Variants in INPP4B observed in about 807,000 individuals in gnomAD.
The protein encoded by INPP4B is inositol polyphosphate 4-phosphatase type II.
In INPP4B, 55 loss-of-function variants were observed where a neutral mutation model predicts 122.5. The ratio of observed to expected loss-of-function variants is 0.45; its 90% CI spans 0.36 to 0.56. INPP4B has a LOEUF of 0.56. INPP4B is among the 20% of genes least tolerant of loss of function. INPP4B has a pLI of 0.00. For synonymous variants in INPP4B, 403 were observed against 388.7 expected, an observed-to-expected ratio of 1.04 and a Z score of -0.43; for missense variants, 1,000 against 1,097.7, an observed-to-expected ratio of 0.91 and a Z score of 1.26.
intron 2 of INPP4B, among the ~76,000 whole-genome samples, chr4:142,696,574 T>C (rs769050449): frequency 6.6e-6 from 1 of 152,172 alleles, no homozygotes; most frequent in African/African-American, 2.4e-5. Flanking sequence ...TGTTGCTTAC[T>C]TCACTGCTTA....
At chr4:142,249,305 A>T (rs1352928023) in intron 11 of INPP4B, among the ~76,000 whole-genome samples, 1 of 152,110 alleles carries the variant, frequency 6.6e-6, no homozygotes, top group Non-Finnish European at 1.5e-5. Context: ...AGCTTCTTAG[A>T]TTTGGCATGG....
chr4:142,562,467 C>T lies in INPP4B; in HGVS notation c.-190-99741G>A, dbSNP rs192621038. Among the ~76,000 whole-genome samples the T allele has an allele frequency of 4.7e-4, 72 of 152,150 alleles. No homozygotes were observed. In the East Asian group the frequency reaches 5.6e-3, roughly 12 times the overall value. ...TAACATATGCTTACATCCCATATAG[C>T]CCAGGTCACAAAGCAAATTCTAGGA... On this transcript the variant is annotated intron_variant, in intron 2 of 25. Transcript: ENST00000262992.
At chr4:142,631,717 C>T (rs1247739530) in intron 2 of INPP4B, among the ~76,000 whole-genome samples, 2 of 152,006 alleles carry the variant, frequency 1.3e-5, no homozygotes, top group Non-Finnish European at 2.9e-5. Context: ...TTCAAAGTAG[C>T]AACAATTACT....
intron 2 of INPP4B, among the ~76,000 whole-genome samples, chr4:142,670,093 G>A (rs1038760029): frequency 2.6e-5 from 4 of 152,042 alleles, no homozygotes; most frequent in African/African-American, 7.2e-5. Flanking sequence ...ACATACAAAC[G>A]GTGTATATGC....
At chr4:142,402,909 C>CAAAG (rs745474519) in intron 7 of INPP4B, 29 bp downstream of exon 7, 1 of 1,140,810 alleles carries the variant, frequency 8.8e-7, no homozygotes, top group Non-Finnish European at 1.3e-6. Flanking sequence ...AACTTTTTCC[C>CAAAG]AAAGAAAGAA....
At chr4:142,529,386 AT>A (rs1827315896) in intron 2 of INPP4B, among the ~76,000 whole-genome samples, 2 of 152,000 alleles carry the variant, frequency 1.3e-5, no homozygotes, top group South Asian at 4.2e-4. Context: ...ACCACAACAA[AT>A]TGCAACTGTT....
At chr4:142,831,414 G>T (rs1265083985) in intron 1 of INPP4B, among the ~76,000 whole-genome samples, 5 of 152,298 alleles carry the variant, frequency 3.3e-5, no homozygotes, top group Admixed American at 2.6e-4. Context: ...AAACTGTGCA[G>T]CTCAGAGTGC....
intron 2 of INPP4B, chr4:142,518,671 T>G (rs1825712142): frequency 6.6e-6 from 1 of 152,156 alleles, no homozygotes; most frequent in Non-Finnish European, 1.5e-5. Flanking sequence ...CACTGTTGCT[T>G]CTACCTTACT....
intron 7 of INPP4B, among the ~76,000 whole-genome samples, chr4:142,326,939 C>T (rs1772604305): frequency 6.6e-6 from 1 of 152,156 alleles, no homozygotes; most frequent in African/African-American, 2.4e-5. Context: ...TAGCAAATTG[C>T]AGACATTAAA....
At chr4:142,414,482 T>G (rs1805274321) in intron 5 of INPP4B, among the ~76,000 whole-genome samples, 1 of 152,200 alleles carries the variant, frequency 6.6e-6, no homozygotes, top group Non-Finnish European at 1.5e-5. Context: ...GCTCTTGGAT[T>G]GTCTGTGCTG....
At position 142,124,882 on chromosome 4, in the gene INPP4B, C is replaced by G. The variant is rs1798048153; in HGVS notation, c.1721-122G>C. The G allele has an allele frequency of 3.4e-5, 25 of 736,612 alleles. 1 individual carries two copies. In the South Asian group the frequency reaches 7.2e-4, roughly 21 times the overall value. 45.6% of individuals were successfully genotyped at this position (736,612 alleles called of 1,614,324 possible). A position where few individuals can be genotyped will look rare whatever the true frequency, so the allele number is the denominator to read the frequency against. The stretch of plus-strand genomic sequence containing the variant: ...AGTTAGACATATTCTTAAGGATTCA[C>G]AAAGATTAGAGCTGAAGATCTCTAA... On this transcript the variant is annotated intron_variant, in intron 18 of 25. Transcript: ENST00000262992.
chr4:142,713,405 T>C (rs1207504334), intron 2 of INPP4B, among the ~76,000 whole-genome samples: 1 of 152,198 alleles, frequency 6.6e-6, no homozygotes, highest in African/African-American at 2.4e-5. Flanking sequence ...AAGAGTCTAC[T>C]GCATTTGGCA....
intron 7 of INPP4B, among the ~76,000 whole-genome samples, chr4:142,341,110 T>C (rs2151691549): frequency 6.6e-6 from 1 of 152,284 alleles, no homozygotes; most frequent in Middle Eastern, 3.4e-3. Flanking sequence ...AATATAAAAA[T>C]ATGCTTATTG....
chr4:142,569,995 G>A (rs928918849), intron 2 of INPP4B, among the ~76,000 whole-genome samples: 1 of 151,880 alleles, frequency 6.6e-6, no homozygotes, highest in African/African-American at 2.4e-5. Context: ...GAGTAGCTAG[G>A]TGCAAGAATC....
At chr4:142,359,226 A>AAAC (rs1784609196) in intron 7 of INPP4B, among the ~76,000 whole-genome samples, 1 of 112,064 alleles carries the variant, frequency 8.9e-6, no homozygotes, top group Non-Finnish European at 1.9e-5. Context: ...ACAAACAAAC[A>AAAC]AAAAAAAAAA....
chr4:142,259,044 G>A (rs1443554540), intron 11 of INPP4B, among the ~76,000 whole-genome samples: 1 of 152,028 alleles, frequency 6.6e-6, no homozygotes, highest in Non-Finnish European at 1.5e-5. Flanking sequence ...ATGAGTTCAT[G>A]TCCTTTGTAG....
At chr4:142,679,443 T>C (rs1758276331) in intron 2 of INPP4B, among the ~76,000 whole-genome samples, 1 of 152,026 alleles carries the variant, frequency 6.6e-6, no homozygotes, top group African/African-American at 2.4e-5. Flanking sequence ...ATAGCTTATT[T>C]CCTTTTTAAT....
intron 8 of INPP4B, 148 bp downstream of exon 8, chr4:142,314,564 A>G: frequency 1.4e-6 from 1 of 720,930 alleles, no homozygotes; most frequent in Non-Finnish European, 2.4e-6. Flanking sequence ...CAATTCAGCA[A>G]ATATGTGACA....
intron 8 of INPP4B, among the ~76,000 whole-genome samples, chr4:142,308,598 TTGTAAAAGAATGAATGAG>T: frequency 6.6e-6 from 1 of 152,200 alleles, no homozygotes; most frequent in African/African-American, 2.4e-5. Flanking sequence ...ACTGAACACA[TTGTAAAAGAATGAATGAG>T]AAGAGTCTTC....
Sources: gnomAD v4.1 joint callset for allele counts (sites outside exome capture counted in the v4.1 genomes callset) on GRCh38, gnomAD v4.1.1 for gene constraint, MANE v1.5 for transcripts, NCBI Gene and HGNC (gene_info 2026-07-23, HGNC 2026-07-21) for gene names.